TLK1: variants seen among roughly 807,000 people sequenced by gnomAD.
TLK1 encodes serine/threonine-protein kinase tousled-like 1.
In TLK1, 24 loss-of-function variants were observed where a neutral mutation model predicts 105.3. The ratio of observed to expected loss-of-function variants is 0.23; its 90% CI spans 0.17 to 0.32. TLK1 has a LOEUF of 0.32. Ranked by LOEUF, TLK1 falls within the 10% of genes least tolerant of loss-of-function variation. TLK1 has a pLI of 1.00. For missense variants in TLK1, 558 were observed against 910.5 expected, an observed-to-expected ratio of 0.61 and a Z score of 4.98; for synonymous variants, 321 against 310.4, an observed-to-expected ratio of 1.03 and a Z score of -0.36.
In TLK1 at chr2:171,160,424, C is replaced by G; in HGVS notation, c.5G>C (p.Ser2Thr). 6.2e-7 allele frequency: 1 copy of G among 1,600,880 alleles called. No homozygotes were observed. Among genetic ancestry groups the G allele is most frequent in the African/African-American group, 1.4e-5 (1 of 73,910 alleles). ...CAAACTTCCACTGCTACTTTGGACA[C>G]TCATCAAGCTACTTTCTGGGAACCC... is the stretch of plus-strand genomic sequence containing the variant. Reference protein sequence around the residue: MSVQSSSGSLEG... With the variant: MTVQSSSGSLEG... The change falls in exon 1 of 21, where the codon AGT (serine) becomes ACT (threonine). Residue 2 changes from serine to threonine, a missense_variant. Physicochemically the swap from Ser to Thr is moderately conservative, Grantham distance 58 (BLOSUM62 1). Around this residue, in one of 5 missense-constraint regions of TLK1, gnomAD observed 104 missense variants for 116.0 expected, o/e 0.90. Coordinates refer to ENST00000431350, the MANE Select transcript of TLK1 (RefSeq NM_012290.5). The surrounding 1 kb of genome is among the most constrained non-coding windows in gnomAD (Gnocchi z 4.4).
At chr2:171,014,486 C>G (rs1472113203) in intron 13 of TLK1, among the ~76,000 whole-genome samples, 1 of 151,920 alleles carries the variant, frequency 6.6e-6, no homozygotes, top group Non-Finnish European at 1.5e-5. Flanking sequence ...AGGTGAGCAC[C>G]ACTGGGCCTG....
In TLK1 at chr2:171,006,142, C is replaced by T. The variant is rs578051782; in HGVS notation, c.1904+5G>A. ...ACATTCTGATGTTTTTAGTAATACA[C>T]TTACCAGTAAGTGCCTGCCCCCTGG... On this transcript the variant is annotated splice_donor_5th_base_variant and intron_variant, in intron 18 of 20. Transcript: ENST00000431350. 5.1e-6 allele frequency: 8 copies of T among 1,577,072 alleles called. No individual in the cohort carries two copies. Among genetic ancestry groups the T allele is most frequent in the South Asian group, 4.8e-5 (4 of 82,916 alleles).
intron 1 of TLK1, among the ~76,000 whole-genome samples, chr2:171,181,300 G>A (rs888797000): frequency 6.6e-6 from 1 of 152,118 alleles, no homozygotes; most frequent in Admixed American, 6.6e-5. Context: ...CATCAATGAG[G>A]TGTCCATATA....
chr2:171,019,393 A>G (rs1685369046), intron 12 of TLK1, among the ~76,000 whole-genome samples: 1 of 152,262 alleles, frequency 6.6e-6, no homozygotes, highest in South Asian at 2.1e-4. Flanking sequence ...AGTATTTTGG[A>G]GCATTTCTCA....
At chr2:171,076,147 G>C (rs1260384155) in intron 3 of TLK1, among the ~76,000 whole-genome samples, 1 of 152,006 alleles carries the variant, frequency 6.6e-6, no homozygotes, top group Non-Finnish European at 1.5e-5. Context: ...GAACCCAGGA[G>C]GGGGAAGTTG....
chr2:171,151,688 G>A (rs928174186), intron 1 of TLK1, among the ~76,000 whole-genome samples: 1 of 150,594 alleles, frequency 6.6e-6, no homozygotes, highest in African/African-American at 2.4e-5. Flanking sequence ...TGTTAGCCAG[G>A]ATGGTCTCGA....
At chr2:171,002,441 A>AT (rs772694397) in intron 18 of TLK1, among the ~76,000 whole-genome samples, 1 of 151,430 alleles carries the variant, frequency 6.6e-6, no homozygotes, top group Non-Finnish European at 1.5e-5. Context: ...TGCCCGGCTA[A>AT]TTTTTTGTAT....
chr2:171,213,386 A>T (rs1019740590), intron 1 of TLK1, among the ~76,000 whole-genome samples: 1 of 151,496 alleles, frequency 6.6e-6, no homozygotes, highest in Non-Finnish European at 1.5e-5. Context: ...TATTTTTTGT[A>T]GAGACAGTGT....
Position 171,002,934 on chromosome 2 carries a change from T to C in TLK1, c.1904+3213A>G, listed in dbSNP as rs555614166. On this transcript the variant is annotated intron_variant, in intron 18 of 20. Coordinates refer to ENST00000431350, the MANE Select transcript of TLK1 (RefSeq NM_012290.5). ...CTGGGATTACAGGCATGAGCCACCG[T>C]GCACGGCTTCCATTTTCAATTAGAG... Among the ~76,000 whole-genome samples, 80 of 151,488 alleles carry C rather than the reference T, an allele frequency of 5.3e-4. 1 individual carries two copies. The highest frequency in any genetic ancestry group is 7.2e-4 in the Admixed American group (11 of 15,220).
chr2:171,135,180 G>A (rs1021730544), intron 1 of TLK1, among the ~76,000 whole-genome samples: 2 of 151,984 alleles, frequency 1.3e-5, no homozygotes, highest in Non-Finnish European at 2.9e-5. Flanking sequence ...AGTTAATAAT[G>A]ATATATGACA....
chr2:171,084,204 G>T (rs1334212917), intron 2 of TLK1, among the ~76,000 whole-genome samples: 2 of 152,066 alleles, frequency 1.3e-5, no homozygotes, highest in South Asian at 2.1e-4. Flanking sequence ...ACCTAAAACA[G>T]CCAACAAGTT....
In TLK1 at chr2:171,147,713, C is replaced by G. The variant is rs536659152; in HGVS notation, c.139+12577G>C. On this transcript the variant is annotated intron_variant, in intron 1 of 20. Transcript: ENST00000431350. The stretch of plus-strand genomic sequence containing the variant: ...TCTGTTTCTCCAGCCTGTTGAAGAA[C>G]TGTAGCTCACAGATGTAGATTTCAA... Among the ~76,000 whole-genome samples, 6 of 152,306 alleles carry G rather than the reference C, an allele frequency of 3.9e-5. No homozygotes were observed. In the South Asian group the frequency reaches 1.2e-3, roughly 32 times the overall value.
At chr2:171,030,654 T>C (rs1249620409) in intron 11 of TLK1, among the ~76,000 whole-genome samples, 1 of 152,212 alleles carries the variant, frequency 6.6e-6, no homozygotes, top group Non-Finnish European at 1.5e-5. Context: ...TATATAACAG[T>C]ATCATAAATT....
chr2:171,143,739 G>T (rs1691684333), intron 1 of TLK1, among the ~76,000 whole-genome samples: 1 of 151,896 alleles, frequency 6.6e-6, no homozygotes, highest in African/African-American at 2.4e-5. Context: ...GTTACACTGG[G>T]AAATACTCAT....
intron 2 of TLK1, among the ~76,000 whole-genome samples, chr2:171,114,384 C>T (rs763198945): frequency 1.7e-4 from 25 of 150,630 alleles, no homozygotes; most frequent in Non-Finnish European, 3.1e-4. Context: ...TTGGGTTGGT[C>T]TAATCTAATC....
At chr2:171,140,341 C>A (rs530433423) in intron 1 of TLK1, among the ~76,000 whole-genome samples, 26 of 152,314 alleles carry the variant, frequency 1.7e-4, no homozygotes, top group African/African-American at 5.1e-4. Flanking sequence ...GAAAACTCTA[C>A]TTCTAGAGAT....
intron 3 of TLK1, among the ~76,000 whole-genome samples, chr2:171,079,213 T>C (rs1053867068): frequency 3.9e-5 from 6 of 152,242 alleles, no homozygotes; most frequent in Non-Finnish European, 8.8e-5. Flanking sequence ...CTTCTTTTCA[T>C]ACTTCACTCT....
At chr2:171,055,018 T>C (rs1687428067) in intron 7 of TLK1, 65 bp downstream of exon 7, 4 of 890,580 alleles carry the variant, frequency 4.5e-6, no homozygotes, top group Admixed American at 3.1e-5. Flanking sequence ...GACATCTTAG[T>C]TGTTAGTAAG....
intron 3 of TLK1, among the ~76,000 whole-genome samples, chr2:171,074,187 G>A (rs943632688): frequency 4.6e-5 from 7 of 152,006 alleles, no homozygotes; most frequent in Admixed American, 1.3e-4. Flanking sequence ...CGCCCCTCCC[G>A]GCCACATTCC....
Sources: gnomAD v4.1 joint callset for allele counts (sites outside exome capture counted in the v4.1 genomes callset) on GRCh38, gnomAD v4.1.1 for gene constraint, gnomAD v4.1.1 regional missense constraint, Gnocchi (gnomAD v3.1) non-coding constraint, MANE v1.5 for transcripts, NCBI Gene and HGNC (gene_info 2026-07-23, HGNC 2026-07-21) for gene names.